The following GSN variants were observed in gnomAD, a reference collection of about 807,000 sequenced individuals.
GSN encodes actin-depolymerizing factor.
In GSN, 56 loss-of-function variants were observed where a neutral mutation model predicts 85.7. That is an observed-to-expected ratio of 0.65 (90% CI 0.53 to 0.82). The LOEUF (loss-of-function observed/expected upper bound fraction) is 0.82. Among genes scored for constraint, GSN ranks in the 40% least tolerant of loss-of-function variants. The pLI, the probability that GSN is intolerant of heterozygous loss-of-function variation, is 0.00. For synonymous variants in GSN, 373 were observed against 399.1 expected, an observed-to-expected ratio of 0.93 and a Z score of 0.78; for missense variants, 857 against 979.8, an observed-to-expected ratio of 0.87 and a Z score of 1.67.
intron 5 of GSN, among the ~76,000 whole-genome samples, chr9:121,242,694 A>T (rs1031860286): frequency 6.6e-6 from 1 of 152,176 alleles, no homozygotes; most frequent in African/African-American, 2.4e-5. Context: ...ATTGTTCAGG[A>T]TCAGACAGCT....
intron 2 of GSN, chr9:121,286,907 A>T (rs1340431302): frequency 1.4e-6 from 1 of 705,202 alleles, no homozygotes. Flanking sequence ...AATGCCAGCC[A>T]TGGGTTTTGG....
At chr9:121,302,549 G>A (rs2059994697) in intron 3 of GSN, among the ~76,000 whole-genome samples, 1 of 152,070 alleles carries the variant, frequency 6.6e-6, no homozygotes, top group Non-Finnish European at 1.5e-5. Context: ...GTTTGCCCTT[G>A]AGTCAGGAGC....
chr9:121,311,280 G>A (rs796860816), intron 5 of GSN: 17 of 240,494 alleles, frequency 7.1e-5, no homozygotes, highest in Admixed American at 5.1e-4. Flanking sequence ...CTATGGCAAT[G>A]TGTGTGGGAT....
intron 5 of GSN, among the ~76,000 whole-genome samples, chr9:121,242,658 C>G (rs2054627540): frequency 6.6e-6 from 1 of 152,176 alleles, no homozygotes; most frequent in African/African-American, 2.4e-5. Context: ...ATGCCCTTTT[C>G]ATTCCTTGAC....
At chr9:121,279,032 C>T (rs897742605) in intron 1 of GSN, among the ~76,000 whole-genome samples, 2 of 152,142 alleles carry the variant, frequency 1.3e-5, no homozygotes, top group Non-Finnish European at 2.9e-5. Flanking sequence ...TGGTCCCAGC[C>T]CTAGGCCAGG....
chr9:121,296,932 T>A (rs1447749015), intron 2 of GSN, among the ~76,000 whole-genome samples: 1 of 152,214 alleles, frequency 6.6e-6, no homozygotes, highest in African/African-American at 2.4e-5. Context: ...TTGTGATCAT[T>A]AACGTGGTCC....
intron 4 of GSN, chr9:121,309,844 C>T (rs60364771): frequency 2.0e-5 from 3 of 148,314 alleles, no homozygotes; most frequent in Non-Finnish European, 4.6e-5. Flanking sequence ...TAACTGTAGT[C>T]TTAGCCACTC....
Position 121,299,937 on chromosome 9 carries a change from C to G in GSN, c.-9-2026C>G. 4 of 1,261,470 alleles carry G rather than the reference C, an allele frequency of 3.2e-6. No individual in the cohort carries two copies. Among genetic ancestry groups the G allele is most frequent in the Non-Finnish European group, 4.0e-6 (4 of 1,001,878 alleles). 78.1% of individuals were successfully genotyped at this position (1,261,470 alleles called of 1,614,324 possible). The stretch of plus-strand genomic sequence containing the variant: ...GCTGTGCGCGCTGTCGCTGCCCGTC[C>G]GCGCGGCCACTGCGTCGCGGGGGGC... On this transcript the variant is annotated intron_variant, in intron 2 of 17. Coordinates refer to ENST00000432226, the MANE Select transcript of GSN (RefSeq NM_198252.3). This position sits in a 1 kb window ranked among gnomAD's most constrained non-coding sequence, Gnocchi z 4.2.
At chr9:121,207,609 G>A (rs1227707950), upstream of GSN, among the ~76,000 whole-genome samples, 1 of 152,170 alleles carries the variant, frequency 6.6e-6, no homozygotes, top group East Asian at 1.9e-4. Context: ...CCCAACAGGG[G>A]CAGGATTTTT....
chr9:121,226,114 C>T (rs1472013855), intron 4 of GSN, among the ~76,000 whole-genome samples: 1 of 152,126 alleles, frequency 6.6e-6, no homozygotes, highest in Non-Finnish European at 1.5e-5. Context: ...GAGCCTGGCA[C>T]TTATTAGACA....
In GSN at chr9:121,312,254, C is replaced by T. The variant is rs546712800; in HGVS notation, c.514-85C>T. On this transcript the variant is annotated intron_variant, in intron 5 of 17. Coordinates refer to ENST00000432226, the MANE Select transcript of GSN (RefSeq NM_198252.3). ...GTGCAGAACAGGGTGAGCCTGCACACCACACGCCACACTCCCCAAGCCCTG... is the reference window on the plus strand; with the variant it reads ...GTGCAGAACAGGGTGAGCCTGCACATCACACGCCACACTCCCCAAGCCCTG... The T allele has an allele frequency of 8.4e-4, 1,237 of 1,473,864 alleles. 1 individual carries two copies. The highest frequency in any genetic ancestry group is 1.1e-3 in the Non-Finnish European group (1,140 of 1,053,796). The allele number at this position is 1,473,864 out of a possible 1,614,324, so 91.3% of individuals were successfully genotyped here. A position where few individuals can be genotyped will look rare whatever the true frequency, so the allele number is the denominator to read the frequency against.
intron 4 of GSN, among the ~76,000 whole-genome samples, chr9:121,216,487 CTT>C (rs1182746496): frequency 6.6e-6 from 1 of 152,214 alleles, no homozygotes; most frequent in Non-Finnish European, 1.5e-5. Flanking sequence ...CTGGCCAAGA[CTT>C]TGCTTGCTAT....
At position 121,314,028 on chromosome 9, in the gene GSN, G is replaced by A. The variant is rs967654240; in HGVS notation, c.753+5G>A. 1.2e-6 allele frequency: 2 copies of A among 1,605,580 alleles called. No individual in the cohort carries two copies. Among genetic ancestry groups the A allele is most frequent in the South Asian group, 1.1e-5 (1 of 90,918 alleles). ...AAGCTGGCCAAGCTCTACAAGGTGAGCACCAGATGCACTGTCTGCCTGGGC... is the reference window on the plus strand; with the variant it reads ...AAGCTGGCCAAGCTCTACAAGGTGAACACCAGATGCACTGTCTGCCTGGGC... On this transcript the variant is annotated splice_donor_5th_base_variant and intron_variant, in intron 7 of 17. Coordinates refer to ENST00000432226, the MANE Select transcript of GSN (RefSeq NM_198252.3).
intron 5 of GSN, among the ~76,000 whole-genome samples, chr9:121,247,873 C>A (rs1564356024): frequency 6.8e-6 from 1 of 147,276 alleles, no homozygotes; most frequent in East Asian, 2.0e-4. Flanking sequence ...ACCCCCCCAC[C>A]CCACCACCCC....
Position 121,321,376 on chromosome 9 carries a change from C to A in GSN, c.1300C>A (p.Arg434Ser), listed in dbSNP as rs368923816. The A allele has an allele frequency of 6.2e-7, 1 of 1,613,904 alleles. No individual in the cohort carries two copies. The highest frequency in any genetic ancestry group is 8.5e-7 in the Non-Finnish European group (1 of 1,179,964). Residue 434 changes from arginine (R) to serine (S), a missense_variant, in exon 11 of 18, where the codon CGC (arginine) becomes AGC (serine). By Grantham distance (110) the Arg-to-Ser change is moderately radical. Coordinates refer to ENST00000432226, the MANE Select transcript of GSN (RefSeq NM_198252.3). ...IILYNYRHGG[R>S]QGQIIYNWQG... ...TCTGTACAACTACCGCCATGGTGGC[C>A]GCCAGGGGCAGATAATCTATAACTG...
chr9:121,249,729 T>C (rs1468684440), intron 6 of GSN, among the ~76,000 whole-genome samples: 3 of 152,212 alleles, frequency 2.0e-5, no homozygotes, highest in Admixed American at 2.0e-4. Flanking sequence ...AATAGCCACA[T>C]GTATACCTGG....
chr9:121,271,622 G>A (rs192885723), intron 1 of GSN, among the ~76,000 whole-genome samples: 1 of 152,242 alleles, frequency 6.6e-6, no homozygotes, highest in East Asian at 1.9e-4. Flanking sequence ...TCTAGTCCTG[G>A]TATTAGGAGA....
At chr9:121,245,157 A>T (rs865876676) in intron 5 of GSN, among the ~76,000 whole-genome samples, 1 of 152,168 alleles carries the variant, frequency 6.6e-6, no homozygotes, top group East Asian at 1.9e-4. Flanking sequence ...TCGATTCTAT[A>T]CTCCTAGAAG....
intron 3 of GSN, 51 bp downstream of exon 3, chr9:121,302,218 C>T (rs765037996): frequency 1.9e-6 from 3 of 1,597,342 alleles, no homozygotes; most frequent in Non-Finnish European, 2.6e-6. Flanking sequence ...CTGAACAGTG[C>T]AGACCTTTGG....
Sources: gnomAD v4.1 joint callset for allele counts (sites outside exome capture counted in the v4.1 genomes callset) on GRCh38, gnomAD v4.1.1 for gene constraint, Gnocchi (gnomAD v3.1) non-coding constraint, MANE v1.5 for transcripts, NCBI Gene and HGNC (gene_info 2026-07-23, HGNC 2026-07-21) for gene names.